KCNH3: variants seen among roughly 807,000 people sequenced by gnomAD.
The protein encoded by KCNH3 is voltage-gated inwardly rectifying potassium channel KCNH3.
A neutral mutation model predicts 95.6 loss-of-function variants in KCNH3; 36 were observed. That is an observed-to-expected ratio of 0.38 (90% confidence interval 0.29 to 0.50). The LOEUF (loss-of-function observed/expected upper bound fraction) is 0.50, where lower values mean the gene tolerates loss of function less well. Among genes scored for constraint, KCNH3 ranks in the 20% least tolerant of loss-of-function variants. The pLI, the probability that KCNH3 is intolerant of heterozygous loss-of-function variation, is 0.95. For missense variants in KCNH3, 1,030 were observed against 1,484.1 expected, an observed-to-expected ratio of 0.69 and a Z score of 5.03; for synonymous variants, 620 against 646.3, an observed-to-expected ratio of 0.96 and a Z score of 0.62.
chr12:49,545,529 A>G (rs1163726871), intron 7 of KCNH3, among the ~76,000 whole-genome samples: 2 of 150,036 alleles, frequency 1.3e-5, no homozygotes, highest in Non-Finnish European at 1.5e-5. Context: ...GGTAGCTGGG[A>G]CTACAGGCAT....
chr12:49,557,178 C>T lies in KCNH3; in HGVS notation c.2576-5C>T, dbSNP rs745585358. 1 of 1,613,950 alleles carries T rather than the reference C, an allele frequency of 6.2e-7. No individual in the cohort carries two copies. The highest frequency in any genetic ancestry group is 1.1e-5 in the South Asian group (1 of 91,076). ...CAGCTGATAACCCCATCCTACTACC[C>T]ACAGAGAGCGGCCTGCTCACTGTTC... On this transcript the variant is annotated splice_region_variant and splice_polypyrimidine_tract_variant and intron_variant, in intron 13 of 14. Transcript: ENST00000257981.
At chr12:49,546,753 T>G (rs1183034219) in intron 7 of KCNH3, among the ~76,000 whole-genome samples, 1 of 152,198 alleles carries the variant, frequency 6.6e-6, no homozygotes, top group African/African-American at 2.4e-5. Flanking sequence ...TGGCCAAGAC[T>G]GAAAGATCAG....
chr12:49,544,735 A>G (rs1592500780), intron 7 of KCNH3, among the ~76,000 whole-genome samples: 1 of 125,782 alleles, frequency 8.0e-6, no homozygotes, highest in Admixed American at 8.5e-5. Flanking sequence ...CTCCCCCCGC[A>G]TCCTCTCTGA....
At position 49,557,529 on chromosome 12, in the gene KCNH3, G is replaced by C; in HGVS notation, c.2828G>C (p.Gly943Ala). 1 of 1,611,590 alleles carries C rather than the reference G, an allele frequency of 6.2e-7. No individual in the cohort carries two copies. Among genetic ancestry groups the C allele is most frequent in the Non-Finnish European group, 8.5e-7 (1 of 1,179,968 alleles). Reference protein sequence around the residue: ...GLLQPLCVDTGASSYCLQPPA... With the variant: ...GLLQPLCVDTAASSYCLQPPA... ...CTGCAGCCTCTGTGTGTGGACACTG[G>C]GGCATCCTCCTACTGCCTGCAGCCC... Residue 943 changes from glycine (G) to alanine (A), a missense_variant, in exon 15 of 15, where the codon GGG becomes GCG. Physicochemically the swap from Gly to Ala is moderately conservative, Grantham distance 60. Coordinates refer to ENST00000257981, the MANE Select transcript of KCNH3 (RefSeq NM_012284.3).
intron 5 of KCNH3, 63 bp downstream of exon 5, chr12:49,543,581 A>G (rs1937948637): frequency 2.6e-6 from 4 of 1,559,108 alleles, no homozygotes; most frequent in East Asian, 4.5e-5. Flanking sequence ...TGCTGGGGAT[A>G]GTCCACGTGG....
chr12:49,548,095 C>CGTGTGTGT (rs369626063), intron 7 of KCNH3, among the ~76,000 whole-genome samples: 3,079 of 146,654 alleles, frequency 0.021, 39 homozygotes, highest in Non-Finnish European at 0.028. Flanking sequence ...CCTGTGACTA[C>CGTGTGTGT]GTGTGTGTGT....
chr12:49,541,814 G>A (rs1456786339), intron 3 of KCNH3, 50 bp downstream of exon 3: 1 of 1,600,850 alleles, frequency 6.2e-7, no homozygotes, highest in South Asian at 1.1e-5. Context: ...CGCAGGCCCG[G>A]GCGGGGCCTT....
At position 49,557,180 on chromosome 12, in the gene KCNH3, C is replaced by T. The variant is rs769422963; in HGVS notation, c.2576-3C>T. The T allele has an allele frequency of 4.3e-6, 7 of 1,614,034 alleles. No homozygotes were observed. Among genetic ancestry groups the T allele is most frequent in the Non-Finnish European group, 5.9e-6 (7 of 1,179,976 alleles). On this transcript the variant is annotated splice_region_variant and splice_polypyrimidine_tract_variant and intron_variant, in intron 13 of 14. Transcript: ENST00000257981. ...GCTGATAACCCCATCCTACTACCCACAGAGAGCGGCCTGCTCACTGTTCCC... is the reference window on the plus strand; with the variant it reads ...GCTGATAACCCCATCCTACTACCCATAGAGAGCGGCCTGCTCACTGTTCCC...
In KCNH3 at chr12:49,543,373, C is replaced by G; in HGVS notation, c.678C>G (p.Thr226=). 1.9e-6 allele frequency: 3 copies of G among 1,613,202 alleles called. No homozygotes were observed. In the South Asian group the frequency reaches 3.3e-5, roughly 18 times the overall value. The stretch of plus-strand genomic sequence containing the variant: ...TGCACTGTGGGGCACTGAGAGCCAC[C>G]TGGGATGGCTTCATCCTGCTCGCCA... ...ILLHCGALRA[T]WDGFILLATL... Residue 226 remains threonine, a synonymous_variant, in exon 5 of 15, where the codon ACC becomes ACG. Coordinates refer to ENST00000257981, the MANE Select transcript of KCNH3 (RefSeq NM_012284.3).
At chr12:49,543,876 C>A (rs570669129) in intron 5 of KCNH3, 39 bp from the exon 6 acceptor site, 3 of 1,584,540 alleles carry the variant, frequency 1.9e-6, no homozygotes, top group Non-Finnish European at 2.6e-6. Flanking sequence ...TGGCTGCCCC[C>A]CCAGCCCCAG....
Position 49,539,357 on chromosome 12 carries a change from C to A in KCNH3, c.-60C>A. On this transcript the variant is annotated 5_prime_UTR_variant, in exon 1 of 15. Coordinates refer to ENST00000257981, the MANE Select transcript of KCNH3 (RefSeq NM_012284.3). This position sits in a 1 kb window ranked among gnomAD's most constrained non-coding sequence, Gnocchi z 6.7. ...GGGGGGCGGCCGAGCTGGGCGCCCT[C>A]CCCCGGCGCGGAGTCCCCGCACCCC... The A allele has an allele frequency of 8.5e-7, 1 of 1,169,980 alleles. No homozygotes were observed. The highest frequency in any genetic ancestry group is 1.1e-6 in the Non-Finnish European group (1 of 903,390). The allele number at this position is 1,169,980 out of a possible 1,614,324, so 72.5% of individuals were successfully genotyped here. A position where few individuals can be genotyped will look rare whatever the true frequency, so the allele number is the denominator to read the frequency against.
chr12:49,543,618 C>T (rs1937950493), intron 5 of KCNH3, 100 bp downstream of exon 5: 6 of 1,437,880 alleles, frequency 4.2e-6, no homozygotes, highest in African/African-American at 1.4e-5. Context: ...GTGCCCCCCT[C>T]GCTCTCTCTC....
chr12:49,539,455 C>A lies in KCNH3; in HGVS notation c.39C>A (p.Thr13=), dbSNP rs749957416. 6.3e-7 allele frequency: 1 copy of A among 1,580,232 alleles called. No individual in the cohort carries two copies. Among genetic ancestry groups the A allele is most frequent in the Non-Finnish European group, 8.6e-7 (1 of 1,165,800 alleles). Residue 13 remains threonine, a synonymous_variant, in exon 1 of 15, where the codon ACC becomes ACA. Coordinates refer to ENST00000257981, the MANE Select transcript of KCNH3 (RefSeq NM_012284.3). The surrounding 1 kb of genome is among the most constrained non-coding windows in gnomAD (Gnocchi z 6.7). ...GGGGCCTCCTGGCGCCGCAGAACACCTTCCTGGACACCATCGCTACGCGCT... is the reference window on the plus strand; with the variant it reads ...GGGGCCTCCTGGCGCCGCAGAACACATTCCTGGACACCATCGCTACGCGCT... ...AMRGLLAPQN[T]FLDTIATRFD...
Position 49,558,041 on chromosome 12 carries a change from C to A in KCNH3, c.*88C>A. On this transcript the variant is annotated 3_prime_UTR_variant, in exon 15 of 15. Coordinates refer to ENST00000257981, the MANE Select transcript of KCNH3 (RefSeq NM_012284.3). ...GAGTGAAGGCAGGGTGGCAGCCTCCCCACGGACTCCATGCGGCCCGCTGGC... is the reference window on the plus strand; with the variant it reads ...GAGTGAAGGCAGGGTGGCAGCCTCCACACGGACTCCATGCGGCCCGCTGGC... 1.5e-6 allele frequency: 2 copies of A among 1,375,546 alleles called. No individual in the cohort carries two copies. Among genetic ancestry groups the A allele is most frequent in the Non-Finnish European group, 1.9e-6 (2 of 1,049,372 alleles). The allele number at this position is 1,375,546 out of a possible 1,614,324, so 85.2% of individuals were successfully genotyped here. A position where few individuals can be genotyped will look rare whatever the true frequency, so the allele number is the denominator to read the frequency against.
rs775048787 is a variant in KCNH3, at chr12:49,557,669, G to A, written c.2968G>A (p.Ala990Thr). ...GTCTCAGAGCTCCCCCTGGCCTCGA[G>A]CCACAGCTTTCTGGACCTCCACCTC... Reference protein sequence around the residue: ...PASQSSPWPRATAFWTSTSDS... With the variant: ...PASQSSPWPRTTAFWTSTSDS... The change falls in exon 15 of 15, where the codon GCC (alanine) becomes ACC (threonine). Residue 990 changes from alanine to threonine, a missense_variant. This residue lies in a region of KCNH3 where 464 missense variants were observed against 493.2 expected (regional missense o/e 0.94). Coordinates refer to ENST00000257981, the MANE Select transcript of KCNH3 (RefSeq NM_012284.3). 5 of 1,613,630 alleles carry A rather than the reference G, an allele frequency of 3.1e-6. No homozygotes were observed. The Admixed American group carries it at 5.0e-5, about 16-fold the overall frequency.
intron 5 of KCNH3, 119 bp downstream of exon 5, chr12:49,543,637 C>T (rs1049948188): frequency 1.0e-5 from 14 of 1,364,032 alleles, no homozygotes; most frequent in South Asian, 1.4e-5. Context: ...TCATTTGTAA[C>T]CTGTGAGCTT....
intron 10 of KCNH3, among the ~76,000 whole-genome samples, chr12:49,553,417 G>A (rs940347989): frequency 3.3e-5 from 5 of 152,178 alleles, no homozygotes; most frequent in African/African-American, 1.2e-4. Flanking sequence ...AAAGTGCTGG[G>A]AGTCATTGTG....
In KCNH3 at chr12:49,544,032, C is replaced by T; in HGVS notation, c.941C>T (p.Ala314Val). 2 of 1,613,776 alleles carry T rather than the reference C, an allele frequency of 1.2e-6. No individual in the cohort carries two copies. The highest frequency in any genetic ancestry group is 1.7e-6 in the Non-Finnish European group (2 of 1,179,632). The change falls in exon 6 of 15, where the codon GCG (alanine) becomes GTG (valine). Residue 314 changes from alanine (A) to valine (V), a missense_variant. Coordinates refer to ENST00000257981, the MANE Select transcript of KCNH3 (RefSeq NM_012284.3). ...TTWFLLDVIA[A>V]LPFDLLHAFK... ...TGGTTCCTGCTGGATGTCATCGCAG[C>T]GCTGCCCTTTGACCTGCTACATGCC...
chr12:49,555,849 G>A lies in KCNH3; in HGVS notation c.2366G>A (p.Gly789Glu), dbSNP rs767488768. ...GGCAGAGGGAGGCCAGGCAGGGCAG[G>A]GGCTTTGAAGGCTGAGGCTGGCCCC... ...LGGRGRPGRA[G>E]ALKAEAGPSA... The change falls in exon 12 of 15, where the codon GGG becomes GAG. Residue 789 changes from glycine (G) to glutamate (E), a missense_variant. Transcript: ENST00000257981. 6.2e-7 allele frequency: 1 copy of A among 1,612,514 alleles called. No individual in the cohort carries two copies. The highest frequency in any genetic ancestry group is 1.7e-5 in the Admixed American group (1 of 59,910).
Sources: allele counts gnomAD v4.1 joint callset (sites outside exome capture counted in the v4.1 genomes callset), GRCh38; gene constraint gnomAD v4.1.1; regional missense constraint gnomAD v4.1.1; non-coding constraint Gnocchi (gnomAD v3.1); transcripts MANE v1.5; gene names NCBI Gene and HGNC (gene_info 2026-07-23, HGNC 2026-07-21).